Variants in ABCC4 observed in about 807,000 individuals in gnomAD.
ABCC4 encodes the protein ATP-binding cassette sub-family C member 4.
A neutral mutation model predicts 168.5 loss-of-function variants in ABCC4; 102 were observed. The ratio of observed to expected loss-of-function variants is 0.61; its 90% confidence interval spans 0.52 to 0.71. ABCC4 has a LOEUF of 0.71. ABCC4 is among the 30% of genes least tolerant of loss of function. ABCC4 has a pLI of 0.00. For synonymous variants in ABCC4, 617 were observed against 590.7 expected (o/e 1.04, Z -0.65); for missense variants, 1,402 against 1,605.8 (o/e 0.87, Z 2.17).
At chr13:95,169,198 G>A (rs899856635) in intron 14 of ABCC4, among the ~76,000 whole-genome samples, 4 of 152,188 alleles carry the variant, frequency 2.6e-5, no homozygotes, top group Non-Finnish European at 4.4e-5. Context: ...TCAGAACAGT[G>A]AGACAATACA....
intron 3 of ABCC4, among the ~76,000 whole-genome samples, chr13:95,245,685 G>A (rs2040085490): frequency 6.6e-6 from 1 of 152,058 alleles, no homozygotes; most frequent in Non-Finnish European, 1.5e-5. Flanking sequence ...TCACCATCTG[G>A]CACCCTGGCC....
At chr13:95,122,180 C>CAAACTCACTTTCATTTCAAAGATTTCCTG in intron 19 of ABCC4, among the ~76,000 whole-genome samples, 1 of 152,148 alleles carries the variant, frequency 6.6e-6, no homozygotes, top group East Asian at 1.9e-4. Flanking sequence ...TCTTCTCGAA[C>CAAACTCACTTTCATTTCAAAGATTTCCTG]TTTGCTCACT....
At chr13:95,081,202 T>TACATGC (rs1340755095) in intron 21 of ABCC4, among the ~76,000 whole-genome samples, 1 of 148,466 alleles carries the variant, frequency 6.7e-6, no homozygotes, top group Non-Finnish European at 1.5e-5. Context: ...AGCTTTAAGG[T>TACATGC]ACATGCTGAA....
At chr13:95,042,446 T>C (rs943803439) in intron 29 of ABCC4, among the ~76,000 whole-genome samples, 1 of 151,988 alleles carries the variant, frequency 6.6e-6, no homozygotes, top group African/African-American at 2.4e-5. Flanking sequence ...GGACAATAAC[T>C]AAAGGACTGT....
chr13:95,113,951 G>A (rs1279744577), intron 20 of ABCC4, among the ~76,000 whole-genome samples: 2 of 152,126 alleles, frequency 1.3e-5, no homozygotes, highest in Admixed American at 1.3e-4. Flanking sequence ...ATTTCTTCCT[G>A]AAGGGATTAT....
intron 1 of ABCC4, among the ~76,000 whole-genome samples, chr13:95,270,012 C>T (rs1022145908): frequency 1.3e-5 from 2 of 152,258 alleles, no homozygotes; most frequent in Middle Eastern, 3.4e-3. Flanking sequence ...GGGTTCATTA[C>T]TGTTCCCTCT....
At chr13:95,106,051 C>T (rs2034991741) in intron 20 of ABCC4, among the ~76,000 whole-genome samples, 1 of 152,130 alleles carries the variant, frequency 6.6e-6, no homozygotes, top group Admixed American at 6.5e-5. Flanking sequence ...GCACACATCA[C>T]ACATCCTTGT....
At chr13:95,286,766 G>A (rs1377189878) in intron 1 of ABCC4, among the ~76,000 whole-genome samples, 2 of 151,852 alleles carry the variant, frequency 1.3e-5, no homozygotes, top group East Asian at 1.9e-4. Context: ...AGACCAGCCT[G>A]GCCAACATGG....
intron 8 of ABCC4, among the ~76,000 whole-genome samples, chr13:95,200,956 C>T (rs913391640): frequency 2.0e-5 from 3 of 152,178 alleles, no homozygotes; most frequent in East Asian, 1.9e-4. Flanking sequence ...ATGACTTCAA[C>T]ACCACCATGA....
chr13:95,188,713 T>A (rs1275671606), intron 9 of ABCC4, among the ~76,000 whole-genome samples, 171 bp from the exon 10 acceptor site: 1 of 152,158 alleles, frequency 6.6e-6, no homozygotes, highest in African/African-American at 2.4e-5. Context: ...ATCATATTTT[T>A]TTGGTGGGGT....
At chr13:95,099,911 T>C (rs1235367758) in intron 20 of ABCC4, among the ~76,000 whole-genome samples, 1 of 152,172 alleles carries the variant, frequency 6.6e-6, no homozygotes, top group Admixed American at 6.5e-5. Flanking sequence ...GATACATCCA[T>C]ATAGAAAATA....
At chr13:95,218,971 A>AAGAAAGAGTG (rs2039221806) in intron 4 of ABCC4, among the ~76,000 whole-genome samples, 1 of 38,994 alleles carries the variant, frequency 2.6e-5, no homozygotes, top group African/African-American at 1.2e-4. Context: ...GAAAGAAAGA[A>AAGAAAGAGTG]AGAAAGAAAG....
chr13:95,068,781 A>G (rs575865102), intron 25 of ABCC4, among the ~76,000 whole-genome samples: 2 of 152,334 alleles, frequency 1.3e-5, no homozygotes, highest in Non-Finnish European at 2.9e-5. Context: ...GTTTGTAGAT[A>G]ATTCATATTT....
In ABCC4 at chr13:95,209,528, T is replaced by A; in HGVS notation, c.691A>T (p.Met231Leu). ...GCAAGGCACGATATTCCTATCTCCA[T>A]CCAGAGTAGGGCAGTCACTGCAATC... is the stretch of plus-strand genomic sequence containing the variant. The part of the protein sequence containing the change: ...QAIAVTALLW[M>L]EIGISCLAGM... The change falls in exon 6 of 31, where the codon ATG becomes TTG. Residue 231 changes from methionine (M) to leucine (L), a missense_variant. Physicochemically the swap from Met to Leu is conservative, Grantham distance 15. Around this residue, in one of 3 missense-constraint regions of ABCC4, gnomAD observed 317 missense variants for 345.5 expected, o/e 0.92. Coordinates refer to ENST00000645237, the MANE Select transcript of ABCC4 (RefSeq NM_005845.5). The A allele has an allele frequency of 6.2e-7, 1 of 1,614,126 alleles. No individual in the cohort carries two copies. Among genetic ancestry groups the A allele is most frequent in the Non-Finnish European group, 8.5e-7 (1 of 1,179,968 alleles).
In ABCC4 at chr13:95,166,212, C is replaced by G. The variant is rs1317110400; in HGVS notation, c.1980G>C (p.Trp660Cys). 6.2e-7 allele frequency: 1 copy of G among 1,614,114 alleles called. No individual in the cohort carries two copies. The highest frequency in any genetic ancestry group is 1.3e-5 in the African/African-American group (1 of 75,032). The change falls in exon 15 of 31, where the codon TGG (tryptophan) becomes TGC (cysteine). Residue 660 changes from tryptophan to cysteine, a missense_variant. Coordinates refer to ENST00000645237, the MANE Select transcript of ABCC4 (RefSeq NM_005845.5). ...RNRTFSESSV[W>C]SQQSSRPSLK... ...AGGAGGGTCTAGAAGATTGTTGAGA[C>G]CAAACCGAAGACTCTGAGAAGGTAC...
At chr13:95,090,276 T>C (rs1304226370) in intron 20 of ABCC4, among the ~76,000 whole-genome samples, 2 of 152,106 alleles carry the variant, frequency 1.3e-5, no homozygotes, top group African/African-American at 2.4e-5. Context: ...CAGCTAATGC[T>C]CTCTGCAAAG....
At chr13:95,194,756 G>A in intron 9 of ABCC4, 80 bp downstream of exon 9, 1 of 1,155,572 alleles carries the variant, frequency 8.7e-7, no homozygotes, top group Non-Finnish European at 1.3e-6. Flanking sequence ...TATACCATGT[G>A]TAACACCTCA....
At chr13:95,211,171 T>G (rs1335330289) in intron 4 of ABCC4, among the ~76,000 whole-genome samples, 1 of 152,230 alleles carries the variant, frequency 6.6e-6, no homozygotes, top group African/African-American at 2.4e-5. Context: ...ACTAATTCTC[T>G]GTGCAACATT....
intron 3 of ABCC4, among the ~76,000 whole-genome samples, chr13:95,244,161 C>A (rs1392209821): frequency 1.3e-5 from 2 of 152,094 alleles, no homozygotes; most frequent in African/African-American, 2.4e-5. Flanking sequence ...GACACCTTTA[C>A]GACAGTCTGG....
Sources: gnomAD v4.1 joint callset for allele counts (sites outside exome capture counted in the v4.1 genomes callset) on GRCh38, gnomAD v4.1.1 for gene constraint, gnomAD v4.1.1 regional missense constraint, MANE v1.5 for transcripts, NCBI Gene and HGNC (gene_info 2026-07-23, HGNC 2026-07-21) for gene names.